The following SUSD6 variants were observed in gnomAD, a reference collection of about 807,000 sequenced individuals.
SUSD6 encodes sushi domain-containing protein 6.
In SUSD6, 16 loss-of-function variants were observed where a neutral mutation model predicts 28.4. The observed-to-expected ratio is 0.56, with a 90% CI of 0.38 to 0.86. The LOEUF is 0.86. SUSD6 is among the 40% of genes least tolerant of loss of function. The pLI, the probability that SUSD6 is intolerant of heterozygous loss-of-function variation, is 0.00. For synonymous variants in SUSD6, 147 were observed against 159.6 expected (o/e 0.92, Z 0.59); for missense variants, 341 against 384.2 (o/e 0.89, Z 0.94).
intron 2 of SUSD6, among the ~76,000 whole-genome samples, chr14:69,690,334 G>C (rs139417896): frequency 6.8e-4 from 103 of 152,328 alleles, no homozygotes; most frequent in African/African-American, 2.4e-3. Context: ...TATGTACACA[G>C]GCTAACATCA....
intron 1 of SUSD6, among the ~76,000 whole-genome samples, chr14:69,643,468 C>T (rs1465460505): frequency 6.6e-6 from 1 of 152,220 alleles, no homozygotes; most frequent in Non-Finnish European, 1.5e-5. Flanking sequence ...TCTAATGCTG[C>T]ACCTTCTAGC....
At chr14:69,639,230 A>G (rs1885311742) in intron 1 of SUSD6, among the ~76,000 whole-genome samples, 1 of 137,050 alleles carries the variant, frequency 7.3e-6, no homozygotes, top group African/African-American at 2.7e-5. Flanking sequence ...CGGGAGGCTG[A>G]GGCAGGAGAA....
chr14:69,631,181 T>C lies in SUSD6; in HGVS notation c.-81+19353T>C, dbSNP rs577958915. On this transcript the variant is annotated intron_variant, in intron 1 of 5. Coordinates refer to ENST00000342745, the MANE Select transcript of SUSD6 (RefSeq NM_014734.4). ...TTCAAAATCAGCCCTCACATGTGCA[T>C]GTTCAGCTGGCTTTCTGCTGCTTCT... Among the ~76,000 whole-genome samples, 69 of 152,358 alleles carry C rather than the reference T, an allele frequency of 4.5e-4. 1 individual carries two copies. The South Asian group carries it at 0.014, about 31-fold the overall frequency.
rs781399033 is a variant in SUSD6, at chr14:69,708,829, C to G, written c.611C>G (p.Ser204Cys). The change falls in exon 5 of 6, where the codon TCT (serine) becomes TGT (cysteine). Residue 204 changes from serine (S) to cysteine (C), a missense_variant. Physicochemically the swap from Ser to Cys is moderately radical, Grantham distance 112. Transcript: ENST00000342745. ...GTACAGATTGTGCTGTCAGAAGGGT[C>G]TGGGCCCAGTGGGAGGAGCGTGCCA... ...PRVQIVLSEG[S>C]GPSGRSVPRE... 7 of 1,614,172 alleles carry G rather than the reference C, an allele frequency of 4.3e-6. No homozygotes were observed. The Middle Eastern group carries it at 4.9e-4, about 114-fold the overall frequency.
intron 1 of SUSD6, among the ~76,000 whole-genome samples, chr14:69,625,550 A>G (rs960866842): frequency 2.0e-5 from 3 of 152,220 alleles, no homozygotes; most frequent in African/African-American, 7.2e-5. Flanking sequence ...AGCACTGGCC[A>G]GGACTGCGGA....
At position 69,681,620 on chromosome 14, in the gene SUSD6, A is replaced by C. The variant is rs1255375958; in HGVS notation, c.122-21775A>C. ...TCTTCATGTCATTGTTAACATCTGAAAGAGTTGACTTTCTTTGGCAACTTA... is the reference window on the plus strand; with the variant it reads ...TCTTCATGTCATTGTTAACATCTGACAGAGTTGACTTTCTTTGGCAACTTA... On this transcript the variant is annotated intron_variant, in intron 2 of 5. Coordinates refer to ENST00000342745, the MANE Select transcript of SUSD6 (RefSeq NM_014734.4). 3.3e-5 allele frequency among the ~76,000 whole-genome samples: 5 copies of C among 152,328 alleles called. No homozygotes were observed. The South Asian group carries it at 8.3e-4, about 25-fold the overall frequency.
intron 2 of SUSD6, among the ~76,000 whole-genome samples, chr14:69,682,947 C>CT (rs5809442): frequency 0.053 from 3,315 of 62,514 alleles, 70 homozygotes; most frequent in East Asian, 0.16. Context: ...TCCAAGAAGC[C>CT]TTTTTTTTTT....
chr14:69,621,847 C>A (rs1404199893), intron 1 of SUSD6, among the ~76,000 whole-genome samples: 1 of 152,128 alleles, frequency 6.6e-6, no homozygotes, highest in African/African-American at 2.4e-5. Flanking sequence ...TAAAGCACAT[C>A]GTTGAAAGAA....
chr14:69,642,450 CT>C (rs371345973), intron 1 of SUSD6, among the ~76,000 whole-genome samples: 8 of 152,270 alleles, frequency 5.3e-5, no homozygotes, highest in African/African-American at 1.9e-4. Flanking sequence ...TTTGATTGGA[CT>C]TACAGTTCCA....
chr14:69,704,571 C>A (rs369283244), intron 3 of SUSD6, 33 bp from the exon 4 acceptor site: 11 of 1,596,900 alleles, frequency 6.9e-6, no homozygotes, highest in Non-Finnish European at 9.4e-6. Flanking sequence ...TATTTGGGTA[C>A]AAAACCCTTC....
At chr14:69,647,259 T>C (rs1012670623) in intron 1 of SUSD6, among the ~76,000 whole-genome samples, 1 of 152,214 alleles carries the variant, frequency 6.6e-6, no homozygotes, top group Non-Finnish European at 1.5e-5. Context: ...TTTTGAAAGA[T>C]AAATACTTTG....
chr14:69,697,706 C>G (rs894279472), intron 2 of SUSD6, among the ~76,000 whole-genome samples: 7 of 152,232 alleles, frequency 4.6e-5, no homozygotes, highest in Non-Finnish European at 7.3e-5. Context: ...CCTTCCTCCT[C>G]TCCTTAGTTT....
chr14:69,701,100 T>A (rs1886306812), intron 2 of SUSD6, among the ~76,000 whole-genome samples: 1 of 152,002 alleles, frequency 6.6e-6, no homozygotes, highest in Admixed American at 6.5e-5. Context: ...GTGCTTATAT[T>A]TTTGTCCTTT....
In SUSD6 at chr14:69,704,660, G is replaced by GCCAGCTC; in HGVS notation, c.378_384dup (p.Val129GlnfsTer26). ...CACGCTGTCTATAGTGGCTTCTACT[G>GCCAGCTC]CCAGCTCCGTGGCGCTCATTCTCCT... is the stretch of plus-strand genomic sequence containing the variant. On this transcript the variant is annotated frameshift_variant, in exon 4 of 6. Transcript: ENST00000342745. LOFTEE classifies it high-confidence loss of function. 1 of 1,614,124 alleles carries GCCAGCTC rather than the reference G, an allele frequency of 6.2e-7. No individual in the cohort carries two copies. Among genetic ancestry groups the GCCAGCTC allele is most frequent in the Non-Finnish European group, 8.5e-7 (1 of 1,180,008 alleles).
intron 1 of SUSD6, among the ~76,000 whole-genome samples, chr14:69,623,550 C>T (rs547506549): frequency 2.0e-5 from 3 of 152,234 alleles, no homozygotes; most frequent in East Asian, 3.9e-4. Flanking sequence ...AGACTGTACT[C>T]CTTCTACTTA....
At chr14:69,623,158 C>T (rs112645235) in intron 1 of SUSD6, among the ~76,000 whole-genome samples, 4,316 of 152,252 alleles carry the variant, frequency 0.028, 78 homozygotes, top group Middle Eastern at 0.068. Context: ...AGCAACAGCC[C>T]CTTTTTGGTT....
intron 2 of SUSD6, among the ~76,000 whole-genome samples, chr14:69,685,650 A>G (rs559284770): frequency 3.3e-5 from 5 of 152,282 alleles, no homozygotes; most frequent in African/African-American, 9.6e-5. Context: ...ACCTAAGAAT[A>G]TATTTTCTCT....
At position 69,670,217 on chromosome 14, in the gene SUSD6, T is replaced by C. The variant is rs74060265; in HGVS notation, c.121+11504T>C. Among the ~76,000 whole-genome samples, 1,239 of 152,310 alleles carry C rather than the reference T, an allele frequency of 8.1e-3. 22 individuals carry two copies. The highest frequency in any genetic ancestry group is 0.028 in the African/African-American group (1,164 of 41,560). On this transcript the variant is annotated intron_variant, in intron 2 of 5. Coordinates refer to ENST00000342745, the MANE Select transcript of SUSD6 (RefSeq NM_014734.4). ...TGGATCTTGACAGAAGTTAATCATA[T>C]GTAGTAAGCCTGTGAGAGGAGGGCA...
chr14:69,702,841 A>G (rs1351999123), intron 2 of SUSD6, among the ~76,000 whole-genome samples: 1 of 152,182 alleles, frequency 6.6e-6, no homozygotes. Context: ...GGAATTTATC[A>G]TGGGATAGAG....
Sources: allele counts gnomAD v4.1 joint callset (sites outside exome capture counted in the v4.1 genomes callset), GRCh38; gene constraint gnomAD v4.1.1; transcripts MANE v1.5; gene names NCBI Gene and HGNC (gene_info 2026-07-23, HGNC 2026-07-21).